PDE4D: variants seen among roughly 807,000 people sequenced by gnomAD.
The protein encoded by PDE4D is 3',5'-cyclic-AMP phosphodiesterase 4D.
A neutral mutation model predicts 87.4 loss-of-function variants in PDE4D; 24 were observed. The ratio of observed to expected loss-of-function variants is 0.27; its 90% CI spans 0.20 to 0.39. The LOEUF (loss-of-function observed/expected upper bound fraction) is 0.39. Among genes scored for constraint, PDE4D ranks in the 10% least tolerant of loss-of-function variants. The pLI is 1.00. For synonymous variants in PDE4D, 384 were observed against 383.2 expected (o/e 1.00, Z -0.02); for missense variants, 714 against 1,041.0 (o/e 0.69, Z 4.32).
chr5:59,125,763 C>T (rs1775298998), intron 5 of PDE4D, among the ~76,000 whole-genome samples: 1 of 152,118 alleles, frequency 6.6e-6, no homozygotes, highest in African/African-American at 2.4e-5. Context: ...ACACAAGTGA[C>T]AGGAACAACT....
At chr5:59,237,792 T>G (rs1554106133) in intron 1 of PDE4D, among the ~76,000 whole-genome samples, 6 of 9,986 alleles carry the variant, frequency 6.0e-4, no homozygotes, top group South Asian at 4.0e-3. Flanking sequence ...GGTGTGTGTG[T>G]GTGTGTGTGT....
At chr5:60,486,862 G>A (rs1749184854) in intron 1 of PDE4D, among the ~76,000 whole-genome samples, 1 of 152,116 alleles carries the variant, frequency 6.6e-6, no homozygotes. Context: ...AAAGCAACTT[G>A]AAAAGGAACC....
Position 59,948,726 on chromosome 5 carries a change from C to T in PDE4D, c.272+39762G>A, listed in dbSNP as rs1326259884. ...GATGCTTACAACTTACTTGGGAAGG[C>T]AAACCCTTCATGTACAGAAAGTTAA... On this transcript the variant is annotated intron_variant, in intron 3 of 16. Transcript: ENST00000502484. Among the ~76,000 whole-genome samples the T allele has an allele frequency of 5.3e-5, 8 of 152,298 alleles. No homozygotes were observed. In the East Asian group the frequency reaches 1.4e-3, roughly 26 times the overall value.
At chr5:60,101,008 T>A (rs190444501) in intron 2 of PDE4D, among the ~76,000 whole-genome samples, 1 of 152,196 alleles carries the variant, frequency 6.6e-6, no homozygotes, top group Non-Finnish European at 1.5e-5. Flanking sequence ...AAGAACAAAA[T>A]GATCATGTTC....
At chr5:60,466,182 G>T (rs1198582876) in intron 1 of PDE4D, among the ~76,000 whole-genome samples, 1 of 152,084 alleles carries the variant, frequency 6.6e-6, no homozygotes, top group Non-Finnish European at 1.5e-5. Flanking sequence ...GGAAGTATTT[G>T]TCCACAATCT....
chr5:59,669,275 G>A (rs551932176), intron 1 of PDE4D, among the ~76,000 whole-genome samples: 6 of 152,056 alleles, frequency 3.9e-5, no homozygotes, highest in East Asian at 1.9e-4. Context: ...CACCACACCC[G>A]GCTAATTTTG....
chr5:60,422,340 G>T (rs560685933), intron 1 of PDE4D, among the ~76,000 whole-genome samples: 1 of 152,182 alleles, frequency 6.6e-6, no homozygotes, highest in Non-Finnish European at 1.5e-5. Flanking sequence ...ACAAACAGCA[G>T]CTCTCTCAGC....
intron 1 of PDE4D, among the ~76,000 whole-genome samples, chr5:59,803,883 G>A (rs929943018): frequency 2.0e-5 from 3 of 151,936 alleles, no homozygotes; most frequent in African/African-American, 7.3e-5. Flanking sequence ...AAAAAGTGAG[G>A]GAGTAAACAG....
intron 1 of PDE4D, among the ~76,000 whole-genome samples, chr5:59,759,549 G>A (rs1479950225): frequency 6.6e-6 from 1 of 152,158 alleles, no homozygotes; most frequent in Admixed American, 6.5e-5. Flanking sequence ...AACATGACAA[G>A]CCAATCGGCA....
chr5:60,396,011 A>G (rs1040384613), intron 1 of PDE4D, among the ~76,000 whole-genome samples: 3 of 152,222 alleles, frequency 2.0e-5, no homozygotes, highest in Non-Finnish European at 4.4e-5. Flanking sequence ...CAAGAGAATC[A>G]GCTACTAGTG....
At chr5:59,248,272 C>A (rs1187247302) in intron 1 of PDE4D, among the ~76,000 whole-genome samples, 2 of 150,742 alleles carry the variant, frequency 1.3e-5, no homozygotes, top group Non-Finnish European at 2.9e-5. Context: ...CTGTTCTGAG[C>A]CACTTTTTAG....
At chr5:59,840,894 G>C (rs1279778307) in intron 1 of PDE4D, among the ~76,000 whole-genome samples, 5 of 152,038 alleles carry the variant, frequency 3.3e-5, no homozygotes, top group Admixed American at 1.3e-4. Context: ...TTATAGATGA[G>C]AGAAAATTGA....
At chr5:59,867,332 C>T (rs374419067) in intron 1 of PDE4D, among the ~76,000 whole-genome samples, 6 of 151,566 alleles carry the variant, frequency 4.0e-5, no homozygotes, top group South Asian at 2.1e-4. Flanking sequence ...ACATATTTTT[C>T]GACTTCAGCT....
At chr5:58,990,589 CA>C (rs779171954) in intron 9 of PDE4D, among the ~76,000 whole-genome samples, 3 of 150,790 alleles carry the variant, frequency 2.0e-5, no homozygotes, top group Admixed American at 2.0e-4. Flanking sequence ...TTCTTAAATG[CA>C]AAAAAAATAA....
intron 1 of PDE4D, among the ~76,000 whole-genome samples, chr5:59,704,205 A>C (rs1753035556): frequency 6.6e-6 from 1 of 152,202 alleles, no homozygotes; most frequent in Non-Finnish European, 1.5e-5. Context: ...GTGACAAGCT[A>C]ACCCGTCGTA....
chr5:59,536,035 AAAG>A (rs1815156562), intron 1 of PDE4D, among the ~76,000 whole-genome samples: 1 of 152,222 alleles, frequency 6.6e-6, no homozygotes, highest in Admixed American at 6.5e-5. Flanking sequence ...TCCAAGACTT[AAAG>A]AATAGTGTCT....
chr5:59,416,780 G>T (rs1188853869), intron 1 of PDE4D, among the ~76,000 whole-genome samples: 1 of 152,124 alleles, frequency 6.6e-6, no homozygotes, highest in African/African-American at 2.4e-5. Context: ...AAGCTAAGGG[G>T]TGTAGTGCTT....
chr5:60,377,998 A>G lies in PDE4D; in HGVS notation c.-90+109944T>C, dbSNP rs553603082. ...CTCCAGAAAGTCTGCTCACTCTTGG[A>G]AGTGATGACTACATCCTTTGAGTGC... On this transcript the variant is annotated intron_variant, in intron 1 of 16. Coordinates refer to the PDE4D transcript ENST00000502484. Among the ~76,000 whole-genome samples the G allele has an allele frequency of 2.0e-5, 3 of 152,304 alleles. No homozygotes were observed. In the South Asian group the frequency reaches 6.2e-4, roughly 32 times the overall value.
At chr5:59,527,287 T>C (rs957119940) in intron 1 of PDE4D, among the ~76,000 whole-genome samples, 1 of 152,208 alleles carries the variant, frequency 6.6e-6, no homozygotes, top group Admixed American at 6.5e-5. Context: ...TGAATGGTAC[T>C]AAACATACTT....
Sources: gnomAD v4.1 joint callset for allele counts (sites outside exome capture counted in the v4.1 genomes callset) on GRCh38, gnomAD v4.1.1 for gene constraint, MANE v1.5 for transcripts, NCBI Gene and HGNC (gene_info 2026-07-23, HGNC 2026-07-21) for gene names.